The following PLCL2 variants were observed in gnomAD, a reference collection of about 807,000 sequenced individuals.
PLCL2 encodes the protein inactive phospholipase C-like protein 2.
In PLCL2, 4 loss-of-function variants were observed where a neutral mutation model predicts 79.6. The observed-to-expected ratio is 0.05, with a 90% CI of 0.02 to 0.11. The LOEUF is 0.11. PLCL2 is among the 10% of genes least tolerant of loss of function. The pLI is 1.00. For synonymous variants in PLCL2, 484 were observed against 457.7 expected, an observed-to-expected ratio of 1.06 and a Z score of -0.73; for missense variants, 895 against 1,291.0, an observed-to-expected ratio of 0.69 and a Z score of 4.70.
At chr3:16,920,259 G>T (rs1697093440) in intron 1 of PLCL2, among the ~76,000 whole-genome samples, 1 of 152,068 alleles carries the variant, frequency 6.6e-6, no homozygotes, top group South Asian at 2.1e-4. Context: ...GAAGGCAACA[G>T]AGGATATTAT....
intron 3 of PLCL2, among the ~76,000 whole-genome samples, chr3:17,026,735 T>A (rs1389850040): frequency 1.3e-5 from 2 of 152,040 alleles, no homozygotes; most frequent in Non-Finnish European, 2.9e-5. Context: ...GGCATGATGG[T>A]GCATGCCTTT....
At chr3:16,960,272 G>A (rs2063743357) in intron 1 of PLCL2, among the ~76,000 whole-genome samples, 1 of 152,154 alleles carries the variant, frequency 6.6e-6, no homozygotes, top group African/African-American at 2.4e-5. Context: ...CTTGTATGGA[G>A]TCACATGCTG....
At chr3:17,001,181 A>C (rs562921710) in intron 1 of PLCL2, among the ~76,000 whole-genome samples, 3 of 152,054 alleles carry the variant, frequency 2.0e-5, no homozygotes, top group South Asian at 4.1e-4. Flanking sequence ...GCGTTTTTTC[A>C]TATACTTGTT....
chr3:16,913,908 G>A (rs1361976941), intron 1 of PLCL2, among the ~76,000 whole-genome samples: 1 of 152,060 alleles, frequency 6.6e-6, no homozygotes, highest in Non-Finnish European at 1.5e-5. Context: ...CGAAATACAG[G>A]GACTGTAGCA....
rs548390079 is a variant in PLCL2 at position 16,928,907 on chromosome 3, A to G, written c.327+43541A>G. On this transcript the variant is annotated intron_variant, in intron 1 of 5. Coordinates refer to ENST00000615277, the MANE Select transcript of PLCL2 (RefSeq NM_001144382.2). ...GAGGTTGTGGGTGACCTTGGCAAAA[A>G]TCCATTTCAGCGGAGGGACAGATGG... is the stretch of plus-strand genomic sequence containing the variant. Among the ~76,000 whole-genome samples, 4 of 152,238 alleles carry G rather than the reference A, an allele frequency of 2.6e-5. No individual in the cohort carries two copies. The East Asian group carries it at 7.7e-4, about 29-fold the overall frequency.
chr3:16,906,223 T>C (rs532925689), intron 1 of PLCL2, among the ~76,000 whole-genome samples: 280 of 152,326 alleles, frequency 1.8e-3, no homozygotes, highest in African/African-American at 6.4e-3. Context: ...ATTGTGGGGC[T>C]GTAAGCATTG....
chr3:16,958,820 G>C (rs2063729227), intron 1 of PLCL2, among the ~76,000 whole-genome samples: 1 of 152,186 alleles, frequency 6.6e-6, no homozygotes, highest in African/African-American at 2.4e-5. Flanking sequence ...AATGATGAAG[G>C]CTGGGTTTGC....
chr3:17,025,329 G>A (rs141918152), intron 3 of PLCL2, among the ~76,000 whole-genome samples: 203 of 152,172 alleles, frequency 1.3e-3, no homozygotes, highest in African/African-American at 4.7e-3. Flanking sequence ...ACTTTTTTAT[G>A]GAGAAATTTG....
rs1167640881 is a variant in PLCL2 at position 17,010,490 on chromosome 3, C to T, written c.1144C>T (p.Leu382Phe). The T allele has an allele frequency of 1.2e-6, 2 of 1,613,886 alleles. No individual in the cohort carries two copies. The highest frequency in any genetic ancestry group is 1.7e-6 in the Non-Finnish European group (2 of 1,179,948). Residue 382 changes from leucine (L) to phenylalanine (F), a missense_variant, in exon 2 of 6, where the codon CTT (leucine) becomes TTT (phenylalanine). Physicochemically the swap from Leu to Phe is conservative, Grantham distance 22. This residue lies in a region of PLCL2 where 242 missense variants were observed against 399.5 expected (regional missense o/e 0.61). Transcript: ENST00000615277. The surrounding 1 kb of genome is among the most constrained non-coding windows in gnomAD (Gnocchi z 5.8). ...GVAHINEEIS[L>F]EIIHKYEPSK... is the part of the protein sequence containing the mutation. Reference sequence around the variant, plus strand: ...GGCACATATAAATGAGGAAATAAGCCTTGAAATTATTCACAAATATGAACC... The same window carrying T: ...GGCACATATAAATGAGGAAATAAGCTTTGAAATTATTCACAAATATGAACC...
chr3:16,888,184 T>G (rs1007656992), intron 1 of PLCL2, among the ~76,000 whole-genome samples: 5 of 152,204 alleles, frequency 3.3e-5, no homozygotes, highest in South Asian at 2.1e-4. Flanking sequence ...ATTGCTAAAG[T>G]GCAGGGCATA....
chr3:17,075,926 A>G (rs1200282634), intron 5 of PLCL2, among the ~76,000 whole-genome samples: 3 of 152,216 alleles, frequency 2.0e-5, no homozygotes, highest in Admixed American at 6.5e-5. Flanking sequence ...GCACCAATTT[A>G]TGGACATTTG....
intron 2 of PLCL2, among the ~76,000 whole-genome samples, chr3:17,013,051 G>T (rs2064344219): frequency 6.6e-6 from 1 of 152,144 alleles, no homozygotes; most frequent in Non-Finnish European, 1.5e-5. Context: ...GTGAATAAAA[G>T]ACCTTCCCAC....
intron 1 of PLCL2, among the ~76,000 whole-genome samples, chr3:16,954,489 G>T (rs544450105): frequency 1.3e-5 from 2 of 152,048 alleles, no homozygotes; most frequent in Non-Finnish European, 2.9e-5. Context: ...ATAAACATAC[G>T]TGTGCATGTG....
intron 1 of PLCL2, among the ~76,000 whole-genome samples, chr3:16,947,231 C>G (rs1222861598): frequency 6.6e-6 from 1 of 151,900 alleles, no homozygotes. Flanking sequence ...ATTATAGGCG[C>G]GAGCCACCGC....
chr3:17,025,190 A>G (rs1435613081), intron 3 of PLCL2, among the ~76,000 whole-genome samples: 1 of 152,194 alleles, frequency 6.6e-6, no homozygotes, highest in Non-Finnish European at 1.5e-5. Flanking sequence ...TGCAGTGATA[A>G]TATAATTTTA....
chr3:16,889,192 G>A (rs1279047302), intron 1 of PLCL2, among the ~76,000 whole-genome samples: 1 of 152,186 alleles, frequency 6.6e-6, no homozygotes, highest in East Asian at 1.9e-4. Context: ...TTGGTCCTGT[G>A]CTAACCACAG....
chr3:16,886,185 A>G lies in PLCL2; in HGVS notation c.327+819A>G, dbSNP rs2124911937. Among the ~76,000 whole-genome samples, 1 of 152,352 alleles carries G rather than the reference A, an allele frequency of 6.6e-6. No homozygotes were observed. Among genetic ancestry groups the G allele is most frequent in the African/African-American group, 2.4e-5 (1 of 41,584 alleles). ...AATGTTACATTTTGGTTCGCAATGT[A>G]AAAATATTTTTCATGACATGAAGTG... On this transcript the variant is annotated intron_variant, in intron 1 of 5. Coordinates refer to ENST00000615277, the MANE Select transcript of PLCL2 (RefSeq NM_001144382.2). This position sits in a 1 kb window ranked among gnomAD's most constrained non-coding sequence, Gnocchi z 4.2.
chr3:16,949,190 A>G (rs1450718406), intron 1 of PLCL2, among the ~76,000 whole-genome samples: 4 of 145,118 alleles, frequency 2.8e-5, no homozygotes, highest in Non-Finnish European at 1.5e-5. Context: ...GCTCTTCTCT[A>G]TAATAGAAAA....
intron 1 of PLCL2, among the ~76,000 whole-genome samples, chr3:16,890,986 G>A (rs1245226136): frequency 6.6e-6 from 1 of 152,218 alleles, no homozygotes; most frequent in Non-Finnish European, 1.5e-5. Context: ...TGGCAAACCA[G>A]GGCAGGTTGT....
Sources: gnomAD v4.1 joint callset for allele counts (sites outside exome capture counted in the v4.1 genomes callset) on GRCh38, gnomAD v4.1.1 for gene constraint, gnomAD v4.1.1 regional missense constraint, Gnocchi (gnomAD v3.1) non-coding constraint, MANE v1.5 for transcripts, NCBI Gene and HGNC (gene_info 2026-07-23, HGNC 2026-07-21) for gene names.